SIRPA: variants seen among roughly 807,000 people sequenced by gnomAD.
SIRPA encodes the protein signal regulatory protein alpha, also known as tyrosine-protein phosphatase non-receptor type substrate 1.
SIRPA carries 9 observed loss-of-function variants against 50.3 expected under a neutral mutation model. The ratio of observed to expected loss-of-function variants is 0.18; its 90% CI spans 0.11 to 0.31. The LOEUF (loss-of-function observed/expected upper bound fraction) is 0.31. Among genes scored for constraint, SIRPA ranks in the 10% least tolerant of loss-of-function variants. The pLI is 1.00. For synonymous variants in SIRPA, 265 were observed against 284.1 expected (o/e 0.93, Z 0.68); for missense variants, 474 against 661.6 (o/e 0.72, Z 3.11).
rs1156236080 is a variant in SIRPA, at chr20:1,922,555, G to C, written c.997G>C (p.Val333Leu). The change falls in exon 4 of 8, where the codon GTG (valine) becomes CTG (leucine). Residue 333 changes from valine (V) to leucine (L), a missense_variant. Around this residue, in one of 4 missense-constraint regions of SIRPA, gnomAD observed 221 missense variants for 359.9 expected, o/e 0.61. Transcript: ENST00000358771. ...GGATGATGTGAAGCTCACCTGCCAG[G>C]TGGAGCATGACGGGCAGCCAGCGGT... is the stretch of plus-strand genomic sequence containing the variant. ...HRDDVKLTCQVEHDGQPAVSK... is the reference protein window; with the variant it reads ...HRDDVKLTCQLEHDGQPAVSK... 1 of 1,614,236 alleles carries C rather than the reference G, an allele frequency of 6.2e-7. No individual in the cohort carries two copies. The highest frequency in any genetic ancestry group is 1.1e-5 in the South Asian group (1 of 91,090).
At chr20:1,906,564 CAT>C (rs1190033771) in intron 1 of SIRPA, among the ~76,000 whole-genome samples, 1 of 152,040 alleles carries the variant, frequency 6.6e-6, no homozygotes, top group Admixed American at 6.5e-5. Context: ...GTGCAAAGGT[CAT>C]GTGGTGAGTG....
Position 1,934,797 on chromosome 20 carries a change from C to A in SIRPA, c.1266+43C>A. On this transcript the variant is annotated intron_variant, in intron 7 of 7. Transcript: ENST00000358771. The surrounding 1 kb of genome is among the most constrained non-coding windows in gnomAD (Gnocchi z 4.6). ...ATGCCCTTCCTGGGAAACTCCGTGG[C>A]GTGGTTGCTTCACATCAACCGGAAT... 6.2e-7 allele frequency: 1 copy of A among 1,609,610 alleles called. No homozygotes were observed. Among genetic ancestry groups the A allele is most frequent in the African/African-American group, 1.3e-5 (1 of 74,922 alleles).
At chr20:1,910,335 G>C (rs1984814973) in intron 1 of SIRPA, among the ~76,000 whole-genome samples, 1 of 128,158 alleles carries the variant, frequency 7.8e-6, no homozygotes, top group Non-Finnish European at 1.7e-5. Flanking sequence ...CGTGTGTTTT[G>C]TTTCATTACT....
chr20:1,899,026 G>A (rs749456767), intron 1 of SIRPA, among the ~76,000 whole-genome samples: 6 of 151,950 alleles, frequency 3.9e-5, no homozygotes, highest in South Asian at 2.1e-4. Flanking sequence ...ACACGCGCTC[G>A]CTTGCTGCTT....
chr20:1,939,827 T>C lies in SIRPA; in HGVS notation c.*2259T>C, dbSNP rs1175071062. 3.3e-5 allele frequency: 5 copies of C among 152,664 alleles called. No homozygotes were observed. The highest frequency in any genetic ancestry group is 5.9e-5 in the Non-Finnish European group (4 of 68,044). The allele number at this position is 152,664 out of a possible 1,614,324, so 9.5% of individuals were successfully genotyped here. A position where few individuals can be genotyped will look rare whatever the true frequency, so the allele number is the denominator to read the frequency against. Reference sequence around the variant, plus strand: ...GGAAGGAAACAGGCCCCATTTTGTATATAGTTGCAACTTAAACTTTTTGGC... The same window carrying C: ...GGAAGGAAACAGGCCCCATTTTGTACATAGTTGCAACTTAAACTTTTTGGC... On this transcript the variant is annotated 3_prime_UTR_variant, in exon 8 of 8. Transcript: ENST00000358771. The surrounding 1 kb of genome is among the most constrained non-coding windows in gnomAD (Gnocchi z 4.7).
rs1468182432 is a variant in SIRPA at position 1,928,364 on chromosome 20, C to T, written c.1226+465C>T. 2.0e-5 allele frequency among the ~76,000 whole-genome samples: 3 copies of T among 152,218 alleles called. No individual in the cohort carries two copies. Among genetic ancestry groups the T allele is most frequent in the Non-Finnish European group, 4.4e-5 (3 of 68,044 alleles). On this transcript the variant is annotated intron_variant, in intron 6 of 7. Coordinates refer to ENST00000358771, the MANE Select transcript of SIRPA (RefSeq NM_001040023.2). This position sits in a 1 kb window ranked among gnomAD's most constrained non-coding sequence, Gnocchi z 4.9. ...GCCCTCTGCAAGCTCACAGCCTGGT[C>T]AGAGGCTCAGACGGTGACATTACAT...
chr20:1,927,819 A>G lies in SIRPA; in HGVS notation c.1202-56A>G, dbSNP rs1986071313. On this transcript the variant is annotated intron_variant, in intron 5 of 7. Coordinates refer to ENST00000358771, the MANE Select transcript of SIRPA (RefSeq NM_001040023.2). This position sits in a 1 kb window ranked among gnomAD's most constrained non-coding sequence, Gnocchi z 6.5. ...AAACCTTTTGCCAAAAAATAGTTACATAAGAAAAGTGTGCTTCTAGTTAAA... is the reference window on the plus strand; with the variant it reads ...AAACCTTTTGCCAAAAAATAGTTACGTAAGAAAAGTGTGCTTCTAGTTAAA... 5 of 1,568,878 alleles carry G rather than the reference A, an allele frequency of 3.2e-6. No homozygotes were observed. In the South Asian group the frequency reaches 3.3e-5, roughly 10 times the overall value.
intron 1 of SIRPA, among the ~76,000 whole-genome samples, chr20:1,909,442 C>T (rs6111933): frequency 1.4e-3 from 212 of 152,212 alleles, no homozygotes; most frequent in Non-Finnish European, 2.3e-3. Flanking sequence ...TCCCCATCCC[C>T]GCCTCAAGCT....
chr20:1,913,140 C>T lies in SIRPA; in HGVS notation c.80-1959C>T, dbSNP rs1032122373. ...TCCTGATAATAAAAGCAGTTGAGGT[C>T]TTAAGTGGTTGATCAGGAAAAGGAA... is the stretch of plus-strand genomic sequence containing the variant. On this transcript the variant is annotated intron_variant, in intron 1 of 7. Transcript: ENST00000358771. Among the ~76,000 whole-genome samples, 6 of 152,184 alleles carry T rather than the reference C, an allele frequency of 3.9e-5. 1 individual carries two copies. The highest frequency in any genetic ancestry group is 3.3e-4 in the Admixed American group (5 of 15,280).
chr20:1,916,479 C>T (rs953949394), intron 2 of SIRPA, among the ~76,000 whole-genome samples: 1 of 152,112 alleles, frequency 6.6e-6, no homozygotes, highest in Non-Finnish European at 1.5e-5. Flanking sequence ...TCATAGGTGC[C>T]GACTGAAAGC....
chr20:1,936,407 T>A lies in SIRPA; in HGVS notation c.1267-913T>A, dbSNP rs1331704753. On this transcript the variant is annotated intron_variant, in intron 7 of 7. Transcript: ENST00000358771. The surrounding 1 kb of genome is among the most constrained non-coding windows in gnomAD (Gnocchi z 4.2). ...TCTCATTCCATCCTCACAGCAACCC[T>A]GGCAGTAGACACTATTATCATCCCC... Among the ~76,000 whole-genome samples, 1 of 152,184 alleles carries A rather than the reference T, an allele frequency of 6.6e-6. No homozygotes were observed.
At chr20:1,921,087 C>T (rs1022392218) in intron 2 of SIRPA, among the ~76,000 whole-genome samples, 11 of 152,184 alleles carry the variant, frequency 7.2e-5, no homozygotes, top group African/African-American at 2.2e-4. Context: ...TGAGATGGAT[C>T]GTTAATTTTG....
rs139278997 is a variant in SIRPA, at chr20:1,935,331, C to T, written c.1266+577C>T. 1.4e-4 allele frequency among the ~76,000 whole-genome samples: 21 copies of T among 152,350 alleles called. No individual in the cohort carries two copies. The East Asian group carries it at 3.9e-3, about 28-fold the overall frequency. On this transcript the variant is annotated intron_variant, in intron 7 of 7. Transcript: ENST00000358771. ...TGAGAAACCTAGCCCTGCTTATCAC[C>T]GGCTGATGCTGTCAGACCTTGAAGG...
chr20:1,895,314 C>G (rs1451301906), upstream of SIRPA: 12 of 504,246 alleles, frequency 2.4e-5, no homozygotes, highest in South Asian at 4.7e-5. Flanking sequence ...TCCAGGCGCC[C>G]GTTCCGGAGT....
rs1442584929 is a variant in SIRPA at position 1,939,264 on chromosome 20, A to G, written c.*1696A>G. On this transcript the variant is annotated 3_prime_UTR_variant, in exon 8 of 8. Coordinates refer to ENST00000358771, the MANE Select transcript of SIRPA (RefSeq NM_001040023.2). The surrounding 1 kb of genome is among the most constrained non-coding windows in gnomAD (Gnocchi z 4.7). ...CCAAGGGATTTCTGGCTCAGGCTGT[A>G]AAAGTAGCTGAGCCATCCTGCCCAT... The G allele has an allele frequency of 6.6e-6, 1 of 152,184 alleles. No individual in the cohort carries two copies. The highest frequency in any genetic ancestry group is 2.4e-5 in the African/African-American group (1 of 41,442). 9.4% of individuals were successfully genotyped at this position (152,184 alleles called of 1,614,324 possible).
chr20:1,929,126 G>A (rs1209441429), intron 6 of SIRPA, among the ~76,000 whole-genome samples: 1 of 152,174 alleles, frequency 6.6e-6, no homozygotes, highest in Non-Finnish European at 1.5e-5. Flanking sequence ...GATCTGGAGT[G>A]GGGCCTGTGG....
intron 2 of SIRPA, among the ~76,000 whole-genome samples, chr20:1,917,556 CAA>C (rs1378414183): frequency 6.6e-6 from 1 of 152,192 alleles, no homozygotes; most frequent in Non-Finnish European, 1.5e-5. Flanking sequence ...AAAAACAAAA[CAA>C]GTCCTATGGG....
rs1016578393 is a variant in SIRPA at position 1,928,406 on chromosome 20, C to T, written c.1226+507C>T. On this transcript the variant is annotated intron_variant, in intron 6 of 7. Coordinates refer to ENST00000358771, the MANE Select transcript of SIRPA (RefSeq NM_001040023.2). The surrounding 1 kb of genome is among the most constrained non-coding windows in gnomAD (Gnocchi z 4.9). ...ACATTACATCACTGATGTACGTCAC[C>T]GATGGCACTTTAGTTTGTTGATTCA... Among the ~76,000 whole-genome samples, 3 of 152,082 alleles carry T rather than the reference C, an allele frequency of 2.0e-5. No individual in the cohort carries two copies. The highest frequency in any genetic ancestry group is 2.0e-4 in the Admixed American group (3 of 15,258).
rs1985718733 is a variant in SIRPA, at chr20:1,922,443, G to T, written c.885G>T (p.Arg295=). The change falls in exon 4 of 8, where the codon CGG becomes CGT. Residue 295 remains arginine (R), a synonymous_variant. Transcript: ENST00000358771. ...GGTTGGAGAATGGAAACGTGTCCCG[G>T]ACAGAAACGGCCTCAACCGTTACAG... ...LTWLENGNVS[R]TETASTVTEN... The T allele has an allele frequency of 6.2e-7, 1 of 1,614,110 alleles. No homozygotes were observed. The highest frequency in any genetic ancestry group is 1.1e-5 in the South Asian group (1 of 91,092).
Sources: gnomAD v4.1 joint callset for allele counts (sites outside exome capture counted in the v4.1 genomes callset) on GRCh38, gnomAD v4.1.1 for gene constraint, gnomAD v4.1.1 regional missense constraint, Gnocchi (gnomAD v3.1) non-coding constraint, MANE v1.5 for transcripts, NCBI Gene and HGNC (gene_info 2026-07-23, HGNC 2026-07-21) for gene names.